The following SGSM3 variants were observed in gnomAD, a reference collection of about 807,000 sequenced individuals.
The protein encoded by SGSM3 is small G protein signaling modulator 3.
In SGSM3, 96 loss-of-function variants were observed where a neutral mutation model predicts 100.5. The observed-to-expected ratio is 0.96, with a 90% CI of 0.81 to 1.13. The LOEUF is 1.13. SGSM3 is among the 50% of genes most tolerant of loss of function. SGSM3 has a pLI of 0.00. For missense variants in SGSM3, 1,001 were observed against 1,015.8 expected, an observed-to-expected ratio of 0.99 and a Z score of 0.20; for synonymous variants, 483 against 422.8, an observed-to-expected ratio of 1.14 and a Z score of -1.75.
At position 40,410,046 on chromosome 22, in the gene SGSM3, G is replaced by A; in HGVS notation, c.*287G>A. 1 of 1,308,362 alleles carries A rather than the reference G, an allele frequency of 7.6e-7. No homozygotes were observed. The highest frequency in any genetic ancestry group is 1.5e-5 in the African/African-American group (1 of 65,634). The allele number at this position is 1,308,362 out of a possible 1,614,324, so 81.0% of individuals were successfully genotyped here. On this transcript the variant is annotated 3_prime_UTR_variant, in exon 22 of 22. Coordinates refer to ENST00000248929, the MANE Select transcript of SGSM3 (RefSeq NM_015705.6). ...GTGCTCAGGAAGAGGGAAGGGGATGGGGGTGGCTAGTAGGCTCCTGGCCTC... is the reference window on the plus strand; with the variant it reads ...GTGCTCAGGAAGAGGGAAGGGGATGAGGGTGGCTAGTAGGCTCCTGGCCTC...
intron 1 of SGSM3, among the ~76,000 whole-genome samples, chr22:40,390,950 G>C (rs1020885115): frequency 1.3e-5 from 2 of 152,190 alleles, no homozygotes; most frequent in East Asian, 3.8e-4. Context: ...CAGGCACTGG[G>C]CTAGGTACCG....
rs770450623 is a variant in SGSM3, at chr22:40,407,612, G to A, written c.1524+44G>A. 17 of 1,591,272 alleles carry A rather than the reference G, an allele frequency of 1.1e-5. No homozygotes were observed. Among genetic ancestry groups the A allele is most frequent in the Admixed American group, 6.8e-5 (4 of 59,118 alleles). ...CTACCAGGTCCTCAGGCTGTGGCGGGTTCCCCAGACTCCCTCCACCAAGCC... is the reference window on the plus strand; with the variant it reads ...CTACCAGGTCCTCAGGCTGTGGCGGATTCCCCAGACTCCCTCCACCAAGCC... On this transcript the variant is annotated intron_variant, in intron 13 of 21. Transcript: ENST00000248929. The surrounding 1 kb of genome is among the most constrained non-coding windows in gnomAD (Gnocchi z 4.7).
In SGSM3 at chr22:40,406,517, C is replaced by T. The variant is rs145959285; in HGVS notation, c.1040C>T (p.Ala347Val). 41 of 1,612,710 alleles carry T rather than the reference C, an allele frequency of 2.5e-5. No homozygotes were observed. In the South Asian group the frequency reaches 3.4e-4, roughly 13 times the overall value. ...GATATCCCGTCGCAGATGGAGGACGCGGAGCTGCTTCTGGGGGTGGCCATG... is the reference window on the plus strand; with the variant it reads ...GATATCCCGTCGCAGATGGAGGACGTGGAGCTGCTTCTGGGGGTGGCCATG... ...LSDIPSQMED[A>V]ELLLGVAMRL... Residue 347 changes from alanine (A) to valine (V), a missense_variant, in exon 10 of 22, where the codon GCG (alanine) becomes GTG (valine). Coordinates refer to ENST00000248929, the MANE Select transcript of SGSM3 (RefSeq NM_015705.6).
At position 40,410,156 on chromosome 22, in the gene SGSM3, G is replaced by C; in HGVS notation, c.*397G>C. ...GCTAGGGCTGCAGAGCTGTATTCAG[G>C]TCCAAGGTTCTGCCCTTCCTTGAGT... On this transcript the variant is annotated 3_prime_UTR_variant, in exon 22 of 22. Transcript: ENST00000248929. The C allele has an allele frequency of 2.7e-6, 3 of 1,100,206 alleles. No individual in the cohort carries two copies. The highest frequency in any genetic ancestry group is 3.3e-6 in the Non-Finnish European group (3 of 903,944). 68.2% of individuals were successfully genotyped at this position (1,100,206 alleles called of 1,614,324 possible).
chr22:40,404,720 A>G, intron 6 of SGSM3, 56 bp downstream of exon 6: 1 of 1,262,142 alleles, frequency 7.9e-7, no homozygotes. Context: ...CTCGCAGGAG[A>G]GAGGGAGCCT....
chr22:40,398,770 T>C lies in SGSM3; in HGVS notation c.-111-1926T>C, dbSNP rs1004334829. Reference sequence around the variant, plus strand: ...AGGACTACTAATTGCCTGATACTTATTGAGTACTTATATGTGTCAGGCAGT... The same window carrying C: ...AGGACTACTAATTGCCTGATACTTACTGAGTACTTATATGTGTCAGGCAGT... On this transcript the variant is annotated intron_variant, in intron 1 of 21. Coordinates refer to ENST00000248929, the MANE Select transcript of SGSM3 (RefSeq NM_015705.6). 1.4e-5 allele frequency among the ~76,000 whole-genome samples: 2 copies of C among 141,398 alleles called. 1 individual carries two copies. Among genetic ancestry groups the C allele is most frequent in the African/African-American group, 5.2e-5 (2 of 38,408 alleles). The allele number at this position is 141,398 out of a possible 152,430, so 92.8% of individuals were successfully genotyped here.
chr22:40,407,945 C>G lies in SGSM3; in HGVS notation c.1579+102C>G. On this transcript the variant is annotated intron_variant, in intron 14 of 21. Transcript: ENST00000248929. This position sits in a 1 kb window ranked among gnomAD's most constrained non-coding sequence, Gnocchi z 4.7. The stretch of plus-strand genomic sequence containing the variant: ...CCACCAAGCTGTTCTCCTCTATACA[C>G]CTGCCTGGCTTGAGGTCCCTGAAGC... The G allele has an allele frequency of 6.9e-7, 1 of 1,452,626 alleles. No individual in the cohort carries two copies. Among genetic ancestry groups the G allele is most frequent in the African/African-American group, 1.4e-5 (1 of 71,460 alleles). The allele number at this position is 1,452,626 out of a possible 1,614,324, so 90.0% of individuals were successfully genotyped here. A position where few individuals can be genotyped will look rare whatever the true frequency, so the allele number is the denominator to read the frequency against.
intron 19 of SGSM3, 45 bp downstream of exon 19, chr22:40,409,063 ACCCAG>A (rs1395783978): frequency 5.2e-6 from 8 of 1,552,404 alleles, no homozygotes; most frequent in Non-Finnish European, 7.0e-6. Flanking sequence ...GAGTGGGGGG[ACCCAG>A]CCCAGCATCA....
At chr22:40,409,139 C>T in intron 19 of SGSM3, 111 bp from the exon 20 acceptor site, 2 of 1,555,530 alleles carry the variant, frequency 1.3e-6, no homozygotes, top group East Asian at 2.3e-5. Flanking sequence ...GGTCCTTCCC[C>T]AAAGAGGGTG....
chr22:40,389,312 A>C (rs2146875088), intron 1 of SGSM3, among the ~76,000 whole-genome samples: 1 of 152,316 alleles, frequency 6.6e-6, no homozygotes, highest in African/African-American at 2.4e-5. Context: ...TAAGAACTGC[A>C]GTGCAGGCCG....
At chr22:40,405,306 G>T in intron 7 of SGSM3, 22 bp downstream of exon 7, 1 of 1,465,880 alleles carries the variant, frequency 6.8e-7, no homozygotes, top group Non-Finnish European at 9.0e-7. Context: ...CCCAGAAAGG[G>T]CAGTGGCAGC....
At chr22:40,402,651 A>C (rs1395259269) in intron 4 of SGSM3, among the ~76,000 whole-genome samples, 1 of 152,230 alleles carries the variant, frequency 6.6e-6, no homozygotes, top group Admixed American at 6.5e-5. Flanking sequence ...AGGCAGGAGA[A>C]TCTCTTGAAC....
At chr22:40,375,874 C>CA (rs1414327500) in intron 1 of SGSM3, among the ~76,000 whole-genome samples, 2 of 151,714 alleles carry the variant, frequency 1.3e-5, no homozygotes, top group Non-Finnish European at 2.9e-5. Context: ...CCTGCCTCTA[C>CA]AAAAAAATTT....
At position 40,407,833 on chromosome 22, in the gene SGSM3, CG is replaced by C. The variant is rs1046983334; in HGVS notation, c.1571del (p.Gly524AlafsTer29). 1 of 1,612,136 alleles carries C rather than the reference CG, an allele frequency of 6.2e-7. No homozygotes were observed. The highest frequency in any genetic ancestry group is 8.5e-7 in the Non-Finnish European group (1 of 1,178,954). ...DEHCWVGELNGLRGWFPAKFV... is the reference protein window; with the variant it reads ...DEHCWVGELNXLRGWFPAKFV... ...AGCACTGCTGGGTGGGGGAGCTCAA[CG>C]GCCTGCGAGGTGGGGTCCTTGGTCT... On this transcript the variant is annotated frameshift_variant, in exon 14 of 22. Coordinates refer to ENST00000248929, the MANE Select transcript of SGSM3 (RefSeq NM_015705.6). LOFTEE classifies it high-confidence loss of function. The surrounding 1 kb of genome is among the most constrained non-coding windows in gnomAD (Gnocchi z 4.7).
intron 1 of SGSM3, among the ~76,000 whole-genome samples, chr22:40,394,792 C>T (rs2049840968): frequency 6.6e-6 from 1 of 152,092 alleles, no homozygotes; most frequent in Non-Finnish European, 1.5e-5. Flanking sequence ...GATCGTTATT[C>T]TCATGTGAGC....
chr22:40,396,915 G>A (rs560682564), intron 1 of SGSM3, among the ~76,000 whole-genome samples: 2 of 152,308 alleles, frequency 1.3e-5, no homozygotes, highest in Admixed American at 1.3e-4. Context: ...TGTAAGATTA[G>A]CAAACTAGGG....
At chr22:40,371,848 C>A (rs2146705620) in intron 1 of SGSM3, among the ~76,000 whole-genome samples, 1 of 152,048 alleles carries the variant, frequency 6.6e-6, no homozygotes, top group South Asian at 2.1e-4. Flanking sequence ...AGGCGCCCGC[C>A]ACCACGCCCG....
At chr22:40,377,500 AG>A (rs1463289951) in intron 1 of SGSM3, among the ~76,000 whole-genome samples, 1 of 152,200 alleles carries the variant, frequency 6.6e-6, no homozygotes, top group East Asian at 1.9e-4. Context: ...CTTGCAGCTG[AG>A]ACACCTTTAA....
intron 1 of SGSM3, among the ~76,000 whole-genome samples, chr22:40,393,089 A>G (rs2049571454): frequency 6.6e-6 from 1 of 152,160 alleles, no homozygotes; most frequent in South Asian, 2.1e-4. Context: ...CAATTGATGG[A>G]CTTTGGATTC....
Sources: allele counts gnomAD v4.1 joint callset (sites outside exome capture counted in the v4.1 genomes callset), GRCh38; gene constraint gnomAD v4.1.1; non-coding constraint Gnocchi (gnomAD v3.1); transcripts MANE v1.5; gene names NCBI Gene and HGNC (gene_info 2026-07-23, HGNC 2026-07-21).